Variants in VPS8 observed in about 807,000 individuals in gnomAD.
VPS8 encodes the protein vacuolar protein sorting-associated protein 8 homolog.
VPS8 carries 129 observed loss-of-function variants against 216.4 expected under a neutral mutation model. The observed-to-expected ratio is 0.60, with a 90% CI of 0.52 to 0.69. The LOEUF (loss-of-function observed/expected upper bound fraction) is 0.69. Among genes scored for constraint, VPS8 ranks in the 30% least tolerant of loss-of-function variants. The pLI, the probability that VPS8 is intolerant of heterozygous loss-of-function variation, is 0.00. For missense variants in VPS8, 1,531 were observed against 1,683.5 expected, an observed-to-expected ratio of 0.91 and a Z score of 1.59; for synonymous variants, 571 against 565.4, an observed-to-expected ratio of 1.01 and a Z score of -0.14.
At chr3:184,957,594 CA>C in intron 37 of VPS8, 73 bp downstream of exon 37, 1 of 1,442,534 alleles carries the variant, frequency 6.9e-7, no homozygotes, top group Non-Finnish European at 9.2e-7. Flanking sequence ...TGATCAAAGA[CA>C]AGGGGAAAAA....
At position 184,900,939 on chromosome 3, in the gene VPS8, GCTC is replaced by G. The variant is rs890806889; in HGVS notation, c.2120_2122del (p.Pro707del). 2.2e-5 allele frequency: 35 copies of G among 1,606,032 alleles called. No homozygotes were observed. The highest frequency in any genetic ancestry group is 5.1e-6 in the Non-Finnish European group (6 of 1,178,236). On this transcript the variant is annotated inframe_deletion, in exon 25 of 48. Transcript: ENST00000625842. ...AATGCAGAAACTTTTCAGAGTCATTGCTCCTCCTCTGAATGCAGGAAAAACACT... is the reference window on the plus strand; with the variant it reads ...AATGCAGAAACTTTTCAGAGTCATTGCTCCTCTGAATGCAGGAAAAACACT...
intron 23 of VPS8, among the ~76,000 whole-genome samples, chr3:184,895,830 C>T (rs959844544): frequency 6.0e-5 from 9 of 150,202 alleles, no homozygotes; most frequent in African/African-American, 2.2e-4. Flanking sequence ...GACGGGGCTT[C>T]ACCATGTTGG....
chr3:184,853,743 T>C (rs1460041845), intron 11 of VPS8, 114 bp from the exon 12 acceptor site: 1 of 1,020,622 alleles, frequency 9.8e-7, no homozygotes, highest in Non-Finnish European at 1.4e-6. Flanking sequence ...GGAGCTTGGA[T>C]TGTTGGGGGT....
At chr3:185,030,224 A>C (rs1309779459) in intron 46 of VPS8, among the ~76,000 whole-genome samples, 2 of 152,246 alleles carry the variant, frequency 1.3e-5, no homozygotes, top group African/African-American at 4.8e-5. Context: ...GACACCACTC[A>C]GCTATGATGC....
At chr3:185,015,228 G>A (rs1236592404) in intron 45 of VPS8, among the ~76,000 whole-genome samples, 1 of 152,212 alleles carries the variant, frequency 6.6e-6, no homozygotes, top group Non-Finnish European at 1.5e-5. Flanking sequence ...GATACTAGGT[G>A]ATCAGCCATT....
chr3:185,044,944 G>A (rs531546655), intron 46 of VPS8, among the ~76,000 whole-genome samples: 3 of 152,194 alleles, frequency 2.0e-5, no homozygotes, highest in African/African-American at 7.2e-5. Flanking sequence ...GGGGAAGGAG[G>A]TGTGTGGCTT....
chr3:185,019,238 T>G (rs1390733803), intron 45 of VPS8, among the ~76,000 whole-genome samples: 1 of 152,094 alleles, frequency 6.6e-6, no homozygotes, highest in African/African-American at 2.4e-5. Flanking sequence ...TCTCCAACCA[T>G]CACTCCGGCG....
At chr3:184,918,460 T>C (rs554559389) in intron 28 of VPS8, among the ~76,000 whole-genome samples, 29 of 152,186 alleles carry the variant, frequency 1.9e-4, no homozygotes, top group Non-Finnish European at 3.5e-4. Context: ...TTAGAAGCAT[T>C]TTTGTGGGAT....
At chr3:184,837,462 G>A (rs1721314991) in intron 5 of VPS8, among the ~76,000 whole-genome samples, 1 of 152,124 alleles carries the variant, frequency 6.6e-6, no homozygotes, top group Admixed American at 6.6e-5. Context: ...TCCCTGTCTA[G>A]ATGCAAATCA....
At chr3:184,887,425 C>A (rs777135475) in intron 22 of VPS8, among the ~76,000 whole-genome samples, 1 of 150,884 alleles carries the variant, frequency 6.6e-6, no homozygotes. Flanking sequence ...TTTTTCCACA[C>A]TAATAATGAT....
intron 25 of VPS8, among the ~76,000 whole-genome samples, chr3:184,912,424 A>G (rs1301060506): frequency 6.6e-6 from 1 of 152,184 alleles, no homozygotes; most frequent in Non-Finnish European, 1.5e-5. Flanking sequence ...ATGGCCTTCT[A>G]TCTTGCAGCA....
intron 36 of VPS8, among the ~76,000 whole-genome samples, chr3:184,953,151 G>A (rs1745003785): frequency 6.6e-6 from 1 of 152,132 alleles, no homozygotes; most frequent in South Asian, 2.1e-4. Context: ...CCCACATTGA[G>A]GTTTGCAGTG....
chr3:184,840,776 T>G (rs1054185083), intron 7 of VPS8, among the ~76,000 whole-genome samples: 7 of 152,042 alleles, frequency 4.6e-5, no homozygotes, highest in African/African-American at 7.2e-5. Context: ...ATTTTTAGTG[T>G]TCTCTTCTGG....
At chr3:185,020,345 A>G (rs745795598) in intron 45 of VPS8, among the ~76,000 whole-genome samples, 2 of 152,204 alleles carry the variant, frequency 1.3e-5, no homozygotes, top group Non-Finnish European at 2.9e-5. Flanking sequence ...AGTGATTCCA[A>G]ATTTTAATAG....
chr3:185,025,962 A>G (rs936332722), intron 46 of VPS8, among the ~76,000 whole-genome samples: 4 of 151,588 alleles, frequency 2.6e-5, no homozygotes, highest in Admixed American at 1.3e-4. Context: ...GAAATAGTCT[A>G]CTGCTTAAGA....
intron 27 of VPS8, 25 bp from the exon 28 acceptor site, chr3:184,915,330 T>G (rs755372444): frequency 2.9e-5 from 46 of 1,606,586 alleles, no homozygotes; most frequent in Non-Finnish European, 3.7e-5. Flanking sequence ...GAGAAAATAA[T>G]CAACATTTTT....
intron 41 of VPS8, 109 bp from the exon 42 acceptor site, chr3:184,982,903 C>A: frequency 1.0e-6 from 1 of 997,724 alleles, no homozygotes; most frequent in Non-Finnish European, 1.4e-6. Context: ...CCTTGGTTAG[C>A]TAAGTTTCTA....
At chr3:185,050,509 C>T (rs1713974394) in intron 47 of VPS8, among the ~76,000 whole-genome samples, 1 of 152,172 alleles carries the variant, frequency 6.6e-6, no homozygotes, top group Non-Finnish European at 1.5e-5. Context: ...CTTGTGCCAC[C>T]ATTGCCTGTG....
chr3:184,979,502 T>TTAGGA (rs1483901263), intron 40 of VPS8, among the ~76,000 whole-genome samples: 1 of 152,248 alleles, frequency 6.6e-6, no homozygotes, highest in Non-Finnish European at 1.5e-5. Flanking sequence ...TGCATATGTA[T>TTAGGA]TAGGATACTT....
Sources: gnomAD v4.1 joint callset for allele counts (sites outside exome capture counted in the v4.1 genomes callset) on GRCh38, gnomAD v4.1.1 for gene constraint, MANE v1.5 for transcripts, NCBI Gene and HGNC (gene_info 2026-07-23, HGNC 2026-07-21) for gene names.